LMO7: variants seen among roughly 807,000 people sequenced by gnomAD.
The protein encoded by LMO7 is LIM domain 7.
A neutral mutation model predicts 206.5 loss-of-function variants in LMO7; 120 were observed. The ratio of observed to expected loss-of-function variants is 0.58; its 90% confidence interval spans 0.50 to 0.68. The LOEUF is 0.68. Among genes scored for constraint, LMO7 ranks in the 30% least tolerant of loss-of-function variants. The pLI, the probability that LMO7 is intolerant of heterozygous loss-of-function variation, is 0.00. For missense variants in LMO7, 1,959 were observed against 1,957.9 expected (o/e 1.00, Z -0.01); for synonymous variants, 706 against 681.5 (o/e 1.04, Z -0.56).
At chr13:75,809,439 T>C (rs1376306377) in intron 11 of LMO7, among the ~76,000 whole-genome samples, 1 of 152,216 alleles carries the variant, frequency 6.6e-6, no homozygotes, top group Non-Finnish European at 1.5e-5. Context: ...TTTAAAAATT[T>C]AATGAGTTGA....
intron 1 of LMO7, among the ~76,000 whole-genome samples, chr13:75,703,586 G>A (rs1481912111): frequency 6.6e-6 from 1 of 152,210 alleles, no homozygotes; most frequent in East Asian, 1.9e-4. Flanking sequence ...AGCAGACAGT[G>A]TAAGTGAGTG....
intron 1 of LMO7, among the ~76,000 whole-genome samples, chr13:75,695,186 C>T (rs1234900290): frequency 6.6e-6 from 1 of 152,186 alleles, no homozygotes; most frequent in East Asian, 1.9e-4. Flanking sequence ...TCATAAGCCT[C>T]AGAGAACCCA....
At chr13:75,778,633 C>T (rs891693691) in intron 4 of LMO7, among the ~76,000 whole-genome samples, 3 of 152,204 alleles carry the variant, frequency 2.0e-5, no homozygotes, top group Non-Finnish European at 1.5e-5. Flanking sequence ...GGCAGTCGTT[C>T]CAGGCGTTTC....
chr13:75,668,660 AT>A (rs889849695), intron 1 of LMO7, among the ~76,000 whole-genome samples: 16 of 150,528 alleles, frequency 1.1e-4, no homozygotes, highest in Admixed American at 2.0e-4. Flanking sequence ...ACCCTCAGAA[AT>A]TTTTTTTTTA....
At chr13:75,741,956 T>C (rs1235401196) in intron 3 of LMO7, among the ~76,000 whole-genome samples, 2 of 152,198 alleles carry the variant, frequency 1.3e-5, no homozygotes, top group Admixed American at 1.3e-4. Context: ...TGCAGATGAC[T>C]TGATTCTATA....
chr13:75,667,930 T>A (rs1023176788), intron 1 of LMO7, among the ~76,000 whole-genome samples: 1 of 152,226 alleles, frequency 6.6e-6, no homozygotes, highest in African/African-American at 2.4e-5. Context: ...GCATTTAGGC[T>A]GGGCGCAGTG....
chr13:75,644,889 C>A (rs2036875504), intron 1 of LMO7, among the ~76,000 whole-genome samples: 1 of 152,330 alleles, frequency 6.6e-6, no homozygotes, highest in African/African-American at 2.4e-5. Flanking sequence ...ACCTTGGCCT[C>A]CCAACCTGTT....
intron 12 of LMO7, 101 bp downstream of exon 12, chr13:75,817,379 A>G: frequency 2.8e-6 from 2 of 726,256 alleles, no homozygotes; most frequent in Non-Finnish European, 4.7e-6. Flanking sequence ...TTGCTATTAC[A>G]GAATTCAGTT....
chr13:75,759,951 G>A (rs2048015318), intron 3 of LMO7, among the ~76,000 whole-genome samples: 1 of 152,104 alleles, frequency 6.6e-6, no homozygotes, highest in Non-Finnish European at 1.5e-5. Flanking sequence ...GATGTGTGTT[G>A]GCATGCTGGG....
At chr13:75,823,540 T>C in intron 14 of LMO7, 25 bp from the exon 15 acceptor site, 2 of 1,543,098 alleles carry the variant, frequency 1.3e-6, no homozygotes, top group Non-Finnish European at 1.8e-6. Context: ...GAATATCAAG[T>C]TTAAAATGAT....
chr13:75,621,933 A>G, intron 1 of LMO7: 2 of 1,256,080 alleles, frequency 1.6e-6, no homozygotes, highest in Admixed American at 5.5e-5. Flanking sequence ...GAGCATCTCC[A>G]TTTGGCTTTT....
rs1555296662 is a variant in LMO7, at chr13:75,699,418, T to TTG, written c.70-13763_70-13762insGT. On this transcript the variant is annotated intron_variant, in intron 1 of 30. Transcript: ENST00000377534. ...CAAGATAGAAGATTTTTTTTTTTTTTTTTTACTGTAGTATCAAGGGAACCA... is the reference window on the plus strand; with the variant it reads ...CAAGATAGAAGATTTTTTTTTTTTTTTGTTTTACTGTAGTATCAAGGGAACCA... Among the ~76,000 whole-genome samples the TTG allele has an allele frequency of 4.6e-3, 698 of 151,888 alleles. 7 individuals are homozygous for TTG. The highest frequency in any genetic ancestry group is 0.016 in the African/African-American group (653 of 41,308).
intron 4 of LMO7, among the ~76,000 whole-genome samples, chr13:75,761,812 T>G (rs1283810106): frequency 6.6e-6 from 1 of 152,176 alleles, no homozygotes; most frequent in African/African-American, 2.4e-5. Flanking sequence ...ACTATCTCTT[T>G]GTCATCCTGC....
intron 12 of LMO7, among the ~76,000 whole-genome samples, chr13:75,818,074 C>T (rs1299007497): frequency 6.6e-6 from 1 of 152,000 alleles, no homozygotes; most frequent in East Asian, 1.9e-4. Flanking sequence ...ATGAAGAAAC[C>T]CCTGCTCTGG....
chr13:75,642,074 A>G (rs1287123990), intron 1 of LMO7, among the ~76,000 whole-genome samples: 1 of 152,172 alleles, frequency 6.6e-6, no homozygotes, highest in Non-Finnish European at 1.5e-5. Flanking sequence ...GGAATTAATG[A>G]AGTCCTCTTG....
chr13:75,668,080 C>T (rs955685361), intron 1 of LMO7, among the ~76,000 whole-genome samples: 14 of 152,026 alleles, frequency 9.2e-5, no homozygotes, highest in East Asian at 3.9e-4. Flanking sequence ...TGGTGGTGCA[C>T]GCCTGTAATT....
chr13:75,632,436 C>T (rs2035068201), upstream of LMO7, among the ~76,000 whole-genome samples: 1 of 152,234 alleles, frequency 6.6e-6, no homozygotes, highest in African/African-American at 2.4e-5. Flanking sequence ...GAAAGAGAGA[C>T]CAAAGGGAAA....
intron 1 of LMO7, among the ~76,000 whole-genome samples, chr13:75,707,098 C>CTGAT (rs1261222140): frequency 3.3e-5 from 5 of 151,586 alleles, no homozygotes; most frequent in African/African-American, 9.7e-5. Context: ...TGACCTAAAT[C>CTGAT]TGATTGGTTT....
intron 29 of LMO7, 133 bp from the exon 30 acceptor site, chr13:75,856,372 CT>C (rs896170853): frequency 2.7e-4 from 159 of 585,026 alleles, no homozygotes; most frequent in Middle Eastern, 4.6e-4. Context: ...ATCTTTCGGC[CT>C]TTTTTTTTCT....
Sources: gnomAD v4.1 joint callset for allele counts (sites outside exome capture counted in the v4.1 genomes callset) on GRCh38, gnomAD v4.1.1 for gene constraint, MANE v1.5 for transcripts, NCBI Gene and HGNC (gene_info 2026-07-23, HGNC 2026-07-21) for gene names.